Variants in KRI1 observed in about 807,000 individuals in gnomAD.
The protein encoded by KRI1 is KRI1 homolog, also known as protein KRI1 homolog.
A neutral mutation model predicts 97.0 loss-of-function variants in KRI1; 83 were observed. The observed-to-expected ratio is 0.86, with a 90% confidence interval of 0.72 to 1.03. The LOEUF is 1.03. Ranked by LOEUF, KRI1 falls within the 50% of genes least tolerant of loss-of-function variation. The pLI, the probability that KRI1 is intolerant of heterozygous loss-of-function variation, is 0.00. For synonymous variants in KRI1, 371 were observed against 363.5 expected, an observed-to-expected ratio of 1.02 and a Z score of -0.23; for missense variants, 916 against 928.4, an observed-to-expected ratio of 0.99 and a Z score of 0.17.
At chr19:10,561,746 G>GC in intron 5 of KRI1, 30 bp from the exon 6 acceptor site, 3 of 1,613,976 alleles carry the variant, frequency 1.9e-6, no homozygotes, top group Non-Finnish European at 2.5e-6. Context: ...TCTCAGGCCA[G>GC]CCCCAGGCCC....
At chr19:10,565,458 G>A (rs1230832175) in intron 2 of KRI1, 1 of 556,722 alleles carries the variant, frequency 1.8e-6, no homozygotes, top group Admixed American at 3.6e-5. Context: ...AGGAAAGGGG[G>A]GGTTCTTGGG....
chr19:10,553,289 G>A lies in KRI1; in HGVS notation c.*662C>T, dbSNP rs935472129. The A allele has an allele frequency of 6.9e-5, 39 of 564,494 alleles. No individual in the cohort carries two copies. The highest frequency in any genetic ancestry group is 1.9e-5 in the African/African-American group (1 of 53,630). The allele number at this position is 564,494 out of a possible 1,614,324, so 35.0% of individuals were successfully genotyped here. A position where few individuals can be genotyped will look rare whatever the true frequency, so the allele number is the denominator to read the frequency against. On this transcript the variant is annotated 3_prime_UTR_variant, in exon 19 of 19. Coordinates refer to ENST00000312962, the MANE Select transcript of KRI1 (RefSeq NM_023008.5). ...CCCTCCTGGCAGGGTAGGGAAGGAGGACCCCGGGCACCCCCCTCAGGGCCT... is the reference window on the plus strand; with the variant it reads ...CCCTCCTGGCAGGGTAGGGAAGGAGAACCCCGGGCACCCCCCTCAGGGCCT...
Position 10,562,728 on chromosome 19 carries a change from C to A in KRI1, c.383+1G>T, listed in dbSNP as rs111237181. 3 of 1,563,374 alleles carry A rather than the reference C, an allele frequency of 1.9e-6. No individual in the cohort carries two copies. Among genetic ancestry groups the A allele is most frequent in the South Asian group, 1.1e-5 (1 of 90,130 alleles). ...GGTGGGGATGTAGGCCTTCTCCATA[C>A]CCTGCCTTCTCCAAGATAACCTTCC... On this transcript the variant is annotated splice_donor_variant, in intron 4 of 18. Coordinates refer to ENST00000312962, the MANE Select transcript of KRI1 (RefSeq NM_023008.5). LOFTEE classifies it high-confidence loss of function.
intron 4 of KRI1, 49 bp from the exon 5 acceptor site, chr19:10,561,894 T>C: frequency 6.4e-7 from 1 of 1,561,856 alleles, no homozygotes; most frequent in Non-Finnish European, 8.8e-7. Context: ...AGGGCCCGCC[T>C]GTCCCCATGC....
intron 16 of KRI1, among the ~76,000 whole-genome samples, chr19:10,556,145 T>G (rs942769350): frequency 6.6e-6 from 1 of 152,028 alleles, no homozygotes; most frequent in African/African-American, 2.4e-5. Flanking sequence ...GGCTCACAGC[T>G]CACAGCAGCC....
chr19:10,562,238 C>T (rs959122292), intron 4 of KRI1, among the ~76,000 whole-genome samples: 16 of 151,960 alleles, frequency 1.1e-4, no homozygotes, highest in African/African-American at 3.4e-4. Context: ...TTAGTAGAGA[C>T]GGGGTTTCAC....
rs751361940 is a variant in KRI1 at position 10,562,802 on chromosome 19, AGGCTTCTGG to A, written c.301_309del (p.Pro101_Ala103del). The A allele has an allele frequency of 8.7e-6, 14 of 1,613,158 alleles. No homozygotes were observed. In the East Asian group the frequency reaches 2.2e-4, roughly 26 times the overall value. The stretch of plus-strand genomic sequence containing the variant: ...GGCCGCACTTTCTTCTGCTTCTCCA[AGGCTTCTGG>A]GTCCTCCTCACTGTCTGATGACGAT... On this transcript the variant is annotated inframe_deletion, in exon 4 of 19. Transcript: ENST00000312962.
chr19:10,565,616 G>T, intron 2 of KRI1, 101 bp downstream of exon 2: 4 of 1,416,318 alleles, frequency 2.8e-6, no homozygotes, highest in Non-Finnish European at 3.7e-6. Context: ...CTCCCGCAGG[G>T]CGCTCTGGGG....
At chr19:10,555,012 A>T in intron 18 of KRI1, 75 bp downstream of exon 18, 1 of 1,212,208 alleles carries the variant, frequency 8.2e-7, no homozygotes, top group Non-Finnish European at 1.2e-6. Flanking sequence ...ATGCAACAAG[A>T]GGTTGACGGA....
rs1257868393 is a variant in KRI1, at chr19:10,553,963, C to T, written c.2100G>A (p.Lys700=). 1.2e-6 allele frequency: 2 copies of T among 1,604,442 alleles called. No individual in the cohort carries two copies. The highest frequency in any genetic ancestry group is 1.7e-5 in the Admixed American group (1 of 58,740). The change falls in exon 19 of 19, where the codon AAG becomes AAA. Residue 700 remains lysine (K), a synonymous_variant. Coordinates refer to ENST00000312962, the MANE Select transcript of KRI1 (RefSeq NM_023008.5). ...GRQRRKQQGP[K]NSS is the part of the protein sequence containing the mutation. ...TGCTCCCTGGTGCTCAGGAGCTGTTCTTGGGCCCCTGTTGTTTCCTCCGCT... is the reference window on the plus strand; with the variant it reads ...TGCTCCCTGGTGCTCAGGAGCTGTTTTTGGGCCCCTGTTGTTTCCTCCGCT...
intron 6 of KRI1, 86 bp from the exon 7 acceptor site, chr19:10,561,351 G>C: frequency 8.0e-7 from 1 of 1,255,976 alleles, no homozygotes; most frequent in Non-Finnish European, 1.1e-6. Context: ...GTAGAGCTGG[G>C]GTCTCACTAT....
intron 4 of KRI1, 108 bp downstream of exon 4, chr19:10,562,621 C>A: frequency 4.2e-6 from 3 of 712,688 alleles, no homozygotes; most frequent in Non-Finnish European, 2.6e-6. Context: ...GCATGAGCCA[C>A]CATGCCCGGC....
Position 10,553,944 on chromosome 19 carries a change from C to G in KRI1, c.*7G>C. 1 of 1,582,252 alleles carries G rather than the reference C, an allele frequency of 6.3e-7. No individual in the cohort carries two copies. The highest frequency in any genetic ancestry group is 8.6e-7 in the Non-Finnish European group (1 of 1,164,584). On this transcript the variant is annotated 3_prime_UTR_variant, in exon 19 of 19. Transcript: ENST00000312962. ...GGAGCCTGAGGCCCCTGCCTGCTCC[C>G]TGGTGCTCAGGAGCTGTTCTTGGGC...
At chr19:10,558,523 T>A (rs1048203180) in intron 12 of KRI1, among the ~76,000 whole-genome samples, 1 of 151,750 alleles carries the variant, frequency 6.6e-6, no homozygotes, top group Non-Finnish European at 1.5e-5. Flanking sequence ...GCCCACCACC[T>A]GGTGCACTAC....
rs753343696 is a variant in KRI1 at position 10,559,875 on chromosome 19, G to GA, written c.861dup (p.Leu288SerfsTer8). Reference sequence around the variant, plus strand: ...TGTTCAAAGTCCTCCTGTTTCTTCAGAAACAGCTCCCCTTCGTCTGAGGAG... The same window carrying GA: ...TGTTCAAAGTCCTCCTGTTTCTTCAGAAAACAGCTCCCCTTCGTCTGAGGAG... On this transcript the variant is annotated frameshift_variant, in exon 10 of 19. Coordinates refer to ENST00000312962, the MANE Select transcript of KRI1 (RefSeq NM_023008.5). LOFTEE classifies it high-confidence loss of function. 4 of 1,613,724 alleles carry GA rather than the reference G, an allele frequency of 2.5e-6. No homozygotes were observed. In the South Asian group the frequency reaches 4.4e-5, roughly 18 times the overall value.
chr19:10,557,978 G>T lies in KRI1; in HGVS notation c.1353C>A (p.Asn451Lys), dbSNP rs903858467. The change falls in exon 14 of 19, where the codon AAC (asparagine) becomes AAA (lysine). Residue 451 changes from asparagine (N) to lysine (K), a missense_variant. By Grantham distance (94) the Asn-to-Lys change is moderately conservative. This residue lies in a region of KRI1 where 672 missense variants were observed against 667.2 expected (regional missense o/e 1.01). Transcript: ENST00000312962. ...SQQELHCEDP[N>K]FNMDADYDPS... ...CTCAACCCGTGATACCTACGTTGAA[G>T]TTGGGGTCCTCACAGTGCAGCTCCT... 6.2e-6 allele frequency: 10 copies of T among 1,614,132 alleles called. No individual in the cohort carries two copies.
chr19:10,565,355 G>A (rs897830074), intron 2 of KRI1: 10 of 531,824 alleles, frequency 1.9e-5, no homozygotes, highest in Non-Finnish European at 3.0e-5. Context: ...AGGCCGCACA[G>A]TGGGGCCAGG....
At chr19:10,560,221 A>C (rs1379406573) in intron 9 of KRI1, 91 bp downstream of exon 9, 1 of 1,470,052 alleles carries the variant, frequency 6.8e-7, no homozygotes, top group East Asian at 2.4e-5. Flanking sequence ...AAATACACAC[A>C]TGGTGCCCTC....
At chr19:10,555,884 G>C (rs1398384330) in intron 16 of KRI1, among the ~76,000 whole-genome samples, 1 of 152,192 alleles carries the variant, frequency 6.6e-6, no homozygotes, top group East Asian at 1.9e-4. Flanking sequence ...CCCACAGCCT[G>C]CCAGGTGCCA....
Sources: gnomAD v4.1 joint callset for allele counts (sites outside exome capture counted in the v4.1 genomes callset) on GRCh38, gnomAD v4.1.1 for gene constraint, gnomAD v4.1.1 regional missense constraint, MANE v1.5 for transcripts, NCBI Gene and HGNC (gene_info 2026-07-23, HGNC 2026-07-21) for gene names.